Variants in ADCY3 observed in about 807,000 individuals in gnomAD.
ADCY3 encodes adenylate cyclase type 3.
A neutral mutation model predicts 119.4 loss-of-function variants in ADCY3; 70 were observed. The observed-to-expected ratio is 0.59, with a 90% CI of 0.48 to 0.72. The LOEUF (loss-of-function observed/expected upper bound fraction) is 0.72, where lower values mean the gene tolerates loss of function less well. Ranked by LOEUF, ADCY3 falls within the 30% of genes least tolerant of loss-of-function variation. The pLI is 0.00. For synonymous variants in ADCY3, 672 were observed against 621.4 expected (o/e 1.08, Z -1.21); for missense variants, 1,238 against 1,541.6 (o/e 0.80, Z 3.30).
chr2:24,870,428 G>A (rs1348843098), intron 3 of ADCY3, among the ~76,000 whole-genome samples: 1 of 152,082 alleles, frequency 6.6e-6, no homozygotes, highest in African/African-American at 2.4e-5. Flanking sequence ...CCACACTCAG[G>A]ACAGAGCCTG....
Position 24,918,319 on chromosome 2 carries a change from C to T in ADCY3, c.669G>A (p.Leu223=). 6.4e-7 allele frequency: 1 copy of T among 1,562,550 alleles called. No individual in the cohort carries two copies. The highest frequency in any genetic ancestry group is 8.7e-7 in the Non-Finnish European group (1 of 1,153,316). The change falls in exon 2 of 22, where the codon CTG becomes CTA. Residue 223 remains leucine, a synonymous_variant. Coordinates refer to ENST00000679454, the MANE Select transcript of ADCY3 (RefSeq NM_004036.5). This position sits in a 1 kb window ranked among gnomAD's most constrained non-coding sequence, Gnocchi z 5.4. ...GACAGTGGGCAGGACTCACCTCCCGCAGCAGCTGCATCCCCTTGAGCTCCT... is the reference window on the plus strand; with the variant it reads ...GACAGTGGGCAGGACTCACCTCCCGTAGCAGCTGCATCCCCTTGAGCTCCT... ...QQEELKGMQL[L]REILANVFLY...
chr2:24,915,120 C>T (rs187195982), intron 2 of ADCY3, among the ~76,000 whole-genome samples: 2 of 152,340 alleles, frequency 1.3e-5, no homozygotes, highest in Admixed American at 6.5e-5. Context: ...ACTGGCAATG[C>T]TTCTTCATGC....
At chr2:24,826,456 G>A in intron 15 of ADCY3, 1 of 244,732 alleles carries the variant, frequency 4.1e-6, no homozygotes, top group Non-Finnish European at 7.8e-6. Context: ...GGAGAAGCAA[G>A]AGACATCAGT....
At chr2:24,911,492 CA>C (rs966412245) in intron 2 of ADCY3, among the ~76,000 whole-genome samples, 14 of 151,054 alleles carry the variant, frequency 9.3e-5, no homozygotes, top group African/African-American at 3.2e-4. Context: ...ACTAAAAATA[CA>C]AAAAAAATTA....
Position 24,919,715 on chromosome 2 carries a change from G to T in ADCY3, c.-230C>A, listed in dbSNP as rs1358015980. 1 of 152,030 alleles carries T rather than the reference G, an allele frequency of 6.6e-6. No individual in the cohort carries two copies. The highest frequency in any genetic ancestry group is 2.4e-5 in the African/African-American group (1 of 41,432). The allele number at this position is 152,030 out of a possible 1,614,324, so 9.4% of individuals were successfully genotyped here. A position where few individuals can be genotyped will look rare whatever the true frequency, so the allele number is the denominator to read the frequency against. ...GGAACTCGGCCACCGCGTGCTCCGG[G>T]ACGGTCCCCGCGCGGGCTGGGGCGG... On this transcript the variant is annotated 5_prime_UTR_variant, in exon 1 of 22. Transcript: ENST00000679454. The surrounding 1 kb of genome is among the most constrained non-coding windows in gnomAD (Gnocchi z 5.5).
At position 24,841,210 on chromosome 2, in the gene ADCY3, G is replaced by A. The variant is rs2241757; in HGVS notation, c.1196+49C>T. 0.37 allele frequency: 568,259 copies of A among 1,519,842 alleles called. 112,482 individuals carry two copies. The highest frequency in any genetic ancestry group is 0.6 in the Admixed American group (29,738 of 49,332). The allele number at this position is 1,519,842 out of a possible 1,614,324, so 94.1% of individuals were successfully genotyped here. A position where few individuals can be genotyped will look rare whatever the true frequency, so the allele number is the denominator to read the frequency against. ...AGACCTGCTTCTCCCTGGGTCCAGGGCCGGGGCCCTTGCTCTGGGAGCCTC... is the reference window on the plus strand; with the variant it reads ...AGACCTGCTTCTCCCTGGGTCCAGGACCGGGGCCCTTGCTCTGGGAGCCTC... On this transcript the variant is annotated intron_variant, in intron 6 of 21. Coordinates refer to ENST00000679454, the MANE Select transcript of ADCY3 (RefSeq NM_004036.5). This position sits in a 1 kb window ranked among gnomAD's most constrained non-coding sequence, Gnocchi z 5.8.
intron 2 of ADCY3, among the ~76,000 whole-genome samples, chr2:24,889,617 A>C (rs2148925923): frequency 6.6e-6 from 1 of 152,290 alleles, no homozygotes; most frequent in African/African-American, 2.4e-5. Context: ...CGAGTGGGCC[A>C]CTTGAGGTCA....
intron 3 of ADCY3, among the ~76,000 whole-genome samples, chr2:24,855,958 G>A (rs1043463937): frequency 2.6e-5 from 4 of 152,226 alleles, no homozygotes; most frequent in East Asian, 1.9e-4. Context: ...GAGATAGAAG[G>A]GGGAGGCAGC....
intron 3 of ADCY3, among the ~76,000 whole-genome samples, chr2:24,848,358 C>T (rs949661234): frequency 3.3e-5 from 5 of 152,198 alleles, no homozygotes; most frequent in African/African-American, 7.2e-5. Context: ...TTTCCCATAA[C>T]GGATACTTTT....
At position 24,918,450 on chromosome 2, in the gene ADCY3, A is replaced by C. The variant is rs748458076; in HGVS notation, c.538T>G (p.Phe180Val). The C allele has an allele frequency of 1.2e-6, 2 of 1,613,994 alleles. No homozygotes were observed. The highest frequency in any genetic ancestry group is 1.1e-5 in the South Asian group (1 of 91,084). Reference sequence around the variant, plus strand: ...CTGAGGCTGAGGGGCAGCGTGATGAAGAAGGAGAAGACAAAGAAGACCTGC... The same window carrying C: ...CTGAGGCTGAGGGGCAGCGTGATGACGAAGGAGAAGACAAAGAAGACCTGC... ...GWQVFFVFSF[F>V]ITLPLSLSPI... The change falls in exon 2 of 22, where the codon TTC (phenylalanine) becomes GTC (valine). Residue 180 changes from phenylalanine to valine, a missense_variant. By Grantham distance (50) the Phe-to-Val change is conservative (BLOSUM62 -1). Transcript: ENST00000679454. This position sits in a 1 kb window ranked among gnomAD's most constrained non-coding sequence, Gnocchi z 5.4.
intron 2 of ADCY3, among the ~76,000 whole-genome samples, chr2:24,887,581 G>T (rs778570404): frequency 6.6e-6 from 1 of 151,900 alleles, no homozygotes; most frequent in African/African-American, 2.4e-5. Context: ...TGGTTCCCCC[G>T]GCATCTGGCT....
chr2:24,843,290 T>A (rs1444117169), intron 3 of ADCY3, among the ~76,000 whole-genome samples: 1 of 152,144 alleles, frequency 6.6e-6, no homozygotes, highest in African/African-American at 2.4e-5. Context: ...TGGAGTGCAG[T>A]GGTGCAAACA....
intron 6 of ADCY3, among the ~76,000 whole-genome samples, chr2:24,840,317 G>A (rs926427445): frequency 1.6e-4 from 25 of 152,342 alleles, no homozygotes; most frequent in Admixed American, 9.1e-4. Context: ...TTATTCATTC[G>A]TGCAGTTAAT....
At chr2:24,820,671 G>A (rs1667500952) in intron 21 of ADCY3, 53 bp downstream of exon 21, 3 of 1,609,666 alleles carry the variant, frequency 1.9e-6, no homozygotes, top group Admixed American at 3.3e-5. Context: ...CACTGTTCCG[G>A]TTTTGTTCTC....
chr2:24,838,427 G>C lies in ADCY3; in HGVS notation c.1533+18C>G. 1 of 1,588,236 alleles carries C rather than the reference G, an allele frequency of 6.3e-7. No homozygotes were observed. Among genetic ancestry groups the C allele is most frequent in the Non-Finnish European group, 8.5e-7 (1 of 1,170,324 alleles). On this transcript the variant is annotated intron_variant, in intron 8 of 21. Transcript: ENST00000679454. The stretch of plus-strand genomic sequence containing the variant: ...GGGTGGGGTGGGTGGGGTGGGTGGG[G>C]TGGGGTGGGGAACTCACCGAGCCAT...
chr2:24,886,656 G>A (rs943072152), intron 2 of ADCY3, among the ~76,000 whole-genome samples: 2 of 152,198 alleles, frequency 1.3e-5, no homozygotes, highest in African/African-American at 4.8e-5. Flanking sequence ...TGCGCTGCCA[G>A]GCCAGTTCTC....
intron 2 of ADCY3, among the ~76,000 whole-genome samples, chr2:24,900,686 A>G (rs1189496160): frequency 6.6e-6 from 1 of 152,186 alleles, no homozygotes; most frequent in African/African-American, 2.4e-5. Flanking sequence ...TGAAGAGGAG[A>G]TCCAGGGAGA....
At chr2:24,820,514 C>T in intron 21 of ADCY3, 1 of 1,410,840 alleles carries the variant, frequency 7.1e-7, no homozygotes, top group East Asian at 2.6e-5. Context: ...GCATCTAGAA[C>T]TTCAGCCCAG....
At chr2:24,827,662 G>T in intron 14 of ADCY3, 54 bp from the exon 15 acceptor site, 1 of 1,534,280 alleles carries the variant, frequency 6.5e-7, no homozygotes, top group Non-Finnish European at 8.9e-7. Context: ...AGAGCCTGAT[G>T]CCCAGCCAGG....
Sources: allele counts gnomAD v4.1 joint callset (sites outside exome capture counted in the v4.1 genomes callset), GRCh38; gene constraint gnomAD v4.1.1; non-coding constraint Gnocchi (gnomAD v3.1); transcripts MANE v1.5; gene names NCBI Gene and HGNC (gene_info 2026-07-23, HGNC 2026-07-21).